MEF2C: variants seen among roughly 807,000 people sequenced by gnomAD.
The protein encoded by MEF2C is myocyte-specific enhancer factor 2C.
A neutral mutation model predicts 50.5 loss-of-function variants in MEF2C; 6 were observed. The ratio of observed to expected loss-of-function variants is 0.12; its 90% CI spans 0.07 to 0.23. MEF2C has a LOEUF of 0.23. MEF2C is among the 10% of genes least tolerant of loss of function. MEF2C has a pLI of 1.00. For synonymous variants in MEF2C, 183 were observed against 228.0 expected (o/e 0.80, Z 1.78); for missense variants, 276 against 605.0 (o/e 0.46, Z 5.70).
At position 88,822,150 on chromosome 5, in the gene MEF2C, TAAC is replaced by T. The variant is rs1808684433; in HGVS notation, c.54+1582_54+1584del. The stretch of plus-strand genomic sequence containing the variant: ...AATTCAACCTGCAAAAATTTTCTTC[TAAC>T]TTTGCAAGCAAAAGAAGATATAATG... On this transcript the variant is annotated intron_variant, in intron 2 of 10. Transcript: ENST00000504921. Among the ~76,000 whole-genome samples, 6 of 152,120 alleles carry T rather than the reference TAAC, an allele frequency of 3.9e-5. 1 individual carries two copies. Among genetic ancestry groups the T allele is most frequent in the African/African-American group, 1.4e-4 (6 of 41,560 alleles).
upstream of MEF2C, chr5:88,884,470 G>C (rs1206601941): frequency 6.6e-6 from 1 of 152,136 alleles, no homozygotes; most frequent in Non-Finnish European, 1.5e-5. Context: ...AGTAATGTAC[G>C]AAATAATAAA....
At chr5:88,850,649 TAC>T (rs1246226626) in intron 1 of MEF2C, among the ~76,000 whole-genome samples, 1 of 151,984 alleles carries the variant, frequency 6.6e-6, no homozygotes, top group African/African-American at 2.4e-5. Context: ...CAGATTTGTG[TAC>T]ACACTCTGAT....
intron 10 of MEF2C, among the ~76,000 whole-genome samples, chr5:88,723,262 C>T (rs1757035858): frequency 6.6e-6 from 1 of 152,280 alleles, no homozygotes; most frequent in South Asian, 2.1e-4. Flanking sequence ...GGACTCTATC[C>T]CTAGACTAGT....
intron 1 of MEF2C, among the ~76,000 whole-genome samples, chr5:88,851,759 G>T (rs1442561915): frequency 1.3e-5 from 2 of 152,016 alleles, no homozygotes; most frequent in African/African-American, 4.8e-5. Context: ...AATTAAAATA[G>T]TTTCATGCAT....
chr5:88,787,246 A>T (rs1302431743), intron 3 of MEF2C, among the ~76,000 whole-genome samples: 8 of 152,378 alleles, frequency 5.3e-5, no homozygotes. Flanking sequence ...TACACTTATT[A>T]GCATAAACTA....
chr5:88,730,310 A>G (rs1760889536), intron 7 of MEF2C, 76 bp from the exon 8 acceptor site: 2 of 1,472,574 alleles, frequency 1.4e-6, no homozygotes, highest in East Asian at 4.9e-5. Context: ...TTTCAACAAA[A>G]GGAAAAGCAT....
rs1251777306 is a variant in MEF2C at position 88,719,538 on chromosome 5, C to T, written c.*3066G>A. On this transcript the variant is annotated 3_prime_UTR_variant, in exon 11 of 11. Transcript: ENST00000504921. ...CTTTTACTTGCAATGAAGAATGTTG[C>T]CTAAAATGTTACTCTAGGACGGGTT... 1.3e-5 allele frequency: 2 copies of T among 152,164 alleles called. No homozygotes were observed. The highest frequency in any genetic ancestry group is 2.9e-5 in the Non-Finnish European group (2 of 68,008). 9.4% of individuals were successfully genotyped at this position (152,164 alleles called of 1,614,324 possible). A position where few individuals can be genotyped will look rare whatever the true frequency, so the allele number is the denominator to read the frequency against.
chr5:88,727,866 A>T (rs1759599895), intron 10 of MEF2C, among the ~76,000 whole-genome samples: 1 of 152,088 alleles, frequency 6.6e-6, no homozygotes, highest in Non-Finnish European at 1.5e-5. Context: ...GACAAGAGTC[A>T]TTTCTATGAT....
intron 2 of MEF2C, among the ~76,000 whole-genome samples, chr5:88,809,652 G>T (rs1801973649): frequency 6.6e-6 from 1 of 150,906 alleles, no homozygotes; most frequent in Admixed American, 6.6e-5. Flanking sequence ...GGTGAATTCA[G>T]TTTTTTTTTC....
chr5:88,858,789 C>A (rs1340657862), intron 1 of MEF2C, among the ~76,000 whole-genome samples: 1 of 152,130 alleles, frequency 6.6e-6, no homozygotes, highest in Non-Finnish European at 1.5e-5. Context: ...GAATAAAAAA[C>A]GCTATTTTTA....
chr5:88,746,688 C>CT (rs1455205901), intron 6 of MEF2C: 32 of 985,256 alleles, frequency 3.2e-5, no homozygotes, highest in Non-Finnish European at 3.6e-5. Context: ...ATGTGATTCT[C>CT]TGACATCAGC....
intron 1 of MEF2C, among the ~76,000 whole-genome samples, chr5:88,857,919 A>G (rs1824050520): frequency 6.6e-6 from 1 of 152,228 alleles, no homozygotes; most frequent in Admixed American, 6.5e-5. Flanking sequence ...TGTGTGCTTA[A>G]ATTATGGTCC....
intron 2 of MEF2C, among the ~76,000 whole-genome samples, chr5:88,809,208 A>T (rs1801764737): frequency 6.6e-6 from 1 of 152,156 alleles, no homozygotes; most frequent in Non-Finnish European, 1.5e-5. Context: ...TTATGTTGAT[A>T]ATGGCTCTAG....
rs548917498 is a variant in MEF2C, at chr5:88,749,012, C to T, written c.637+58G>A. The T allele has an allele frequency of 1.1e-5, 17 of 1,550,634 alleles. No individual in the cohort carries two copies. The Admixed American group carries it at 2.2e-4, about 20-fold the overall frequency. ...GTTCAAAAGACTTTGTCCTGCAAAT[C>T]ACCTAGTAGAAGAACTCAGAACAAT... is the stretch of plus-strand genomic sequence containing the variant. On this transcript the variant is annotated intron_variant, in intron 6 of 10. Transcript: ENST00000504921.
chr5:88,723,117 C>T (rs939369911), intron 10 of MEF2C, among the ~76,000 whole-genome samples, 192 bp from the exon 11 acceptor site: 5 of 152,122 alleles, frequency 3.3e-5, no homozygotes, highest in African/African-American at 7.2e-5. Flanking sequence ...TTGATTTGCC[C>T]GGTAGTAATT....
intron 6 of MEF2C, chr5:88,746,441 C>CTTTT (rs5869439): frequency 4.4e-6 from 3 of 686,064 alleles, no homozygotes; most frequent in Admixed American, 8.2e-5. Context: ...CTCCCTCTCA[C>CTTTT]TTTTTTTTTT....
rs1419742965 is a variant in MEF2C, at chr5:88,722,945, C to G, written c.1101-20G>C. On this transcript the variant is annotated intron_variant, in intron 10 of 10. Coordinates refer to ENST00000504921, the MANE Select transcript of MEF2C (RefSeq NM_002397.5). ...CAAGCTCTGTAGGAGGAAAGGAAAC[C>G]CAGTTACAGATGAAGGAGGCCTGGA... 1.9e-6 allele frequency: 3 copies of G among 1,557,108 alleles called. No homozygotes were observed. In the East Asian group the frequency reaches 6.9e-5, roughly 36 times the overall value.
chr5:88,844,629 G>A (rs1375053117), intron 1 of MEF2C: 11 of 799,392 alleles, frequency 1.4e-5, no homozygotes, highest in African/African-American at 1.9e-5. Context: ...AAAATACTAA[G>A]TAAATCTAAC....
At chr5:88,804,391 A>G (rs1799517486) in intron 3 of MEF2C, 1 of 535,786 alleles carries the variant, frequency 1.9e-6, no homozygotes, top group Middle Eastern at 4.9e-4. Context: ...CAGATCTTAC[A>G]TGGTCTCTAT....
Sources: allele counts gnomAD v4.1 joint callset (sites outside exome capture counted in the v4.1 genomes callset), GRCh38; gene constraint gnomAD v4.1.1; transcripts MANE v1.5; gene names NCBI Gene and HGNC (gene_info 2026-07-23, HGNC 2026-07-21).